The following NUP107 variants were observed in gnomAD, a reference collection of about 807,000 sequenced individuals.
NUP107 encodes nucleoporin 107.
A neutral mutation model predicts 141.0 loss-of-function variants in NUP107; 101 were observed. The observed-to-expected ratio is 0.72, with a 90% confidence interval of 0.61 to 0.84. The LOEUF is 0.84. Ranked by LOEUF, NUP107 falls within the 40% of genes least tolerant of loss-of-function variation. The pLI is 0.00. For synonymous variants in NUP107, 319 were observed against 363.9 expected (o/e 0.88, Z 1.41); for missense variants, 941 against 1,102.7 (o/e 0.85, Z 2.08).
chr12:68,725,848 T>TTG lies in NUP107; in HGVS notation c.1576+53_1576+54insGT. 5 of 1,060,274 alleles carry TTG rather than the reference T, an allele frequency of 4.7e-6. No homozygotes were observed. The South Asian group carries it at 7.1e-5, about 15-fold the overall frequency. The allele number at this position is 1,060,274 out of a possible 1,614,324, so 65.7% of individuals were successfully genotyped here. ...TGTTTTTTGTGTGTGTTTTTTTTTT[T>TTG]TTTTTTGAGACAAAGTCTCACCCTG... On this transcript the variant is annotated intron_variant, in intron 18 of 27. Transcript: ENST00000229179.
At chr12:68,734,657 A>C (rs1236514739) in intron 24 of NUP107, 51 bp from the exon 25 acceptor site, 1 of 1,378,676 alleles carries the variant, frequency 7.3e-7, no homozygotes, top group South Asian at 1.5e-5. Flanking sequence ...AAACGATAAA[A>C]GTGAAAACTT....
intron 8 of NUP107, chr12:68,706,806 T>C (rs1876605170): frequency 1.3e-6 from 1 of 758,128 alleles, no homozygotes; most frequent in Non-Finnish European, 2.4e-6. Flanking sequence ...AGGAAGCTGC[T>C]GGAGGATGAG....
rs1476274307 is a variant in NUP107, at chr12:68,731,150, A to G, written c.1775A>G (p.Tyr592Cys). The change falls in exon 21 of 28, where the codon TAT becomes TGT. Residue 592 changes from tyrosine to cysteine, a missense_variant. Physicochemically the swap from Tyr to Cys is radical, Grantham distance 194 (BLOSUM62 -2). Coordinates refer to ENST00000229179, the MANE Select transcript of NUP107 (RefSeq NM_020401.4). ...REKHTNLIAF[Y>C]TCHLPQDLAV... Reference sequence around the variant, plus strand: ...AAACATACAAATCTTATAGCATTTTATACCTGTCATTTGCCTCAAGACCTA... The same window carrying G: ...AAACATACAAATCTTATAGCATTTTGTACCTGTCATTTGCCTCAAGACCTA... 1.9e-6 allele frequency: 3 copies of G among 1,609,048 alleles called. No homozygotes were observed. The highest frequency in any genetic ancestry group is 2.5e-6 in the Non-Finnish European group (3 of 1,177,444).
intron 6 of NUP107, among the ~76,000 whole-genome samples, chr12:68,697,455 G>T (rs563483059): frequency 4.1e-5 from 5 of 123,422 alleles, no homozygotes; most frequent in African/African-American, 1.5e-4. Flanking sequence ...GGAATATTTA[G>T]AACTCAACAA....
At chr12:68,737,939 C>T (rs1048146819) in intron 26 of NUP107, among the ~76,000 whole-genome samples, 1 of 152,056 alleles carries the variant, frequency 6.6e-6, no homozygotes, top group Middle Eastern at 3.4e-3. Flanking sequence ...GCCAGGAATT[C>T]GAGACCAGCC....
chr12:68,689,900 G>T (rs1421322225), intron 3 of NUP107: 1 of 271,804 alleles, frequency 3.7e-6, no homozygotes, highest in Non-Finnish European at 6.9e-6. Context: ...ATGTAAATAG[G>T]CTGGATGCAG....
intron 8 of NUP107, chr12:68,706,062 C>A (rs985833514): frequency 3.8e-6 from 3 of 793,418 alleles, no homozygotes; most frequent in Admixed American, 1.7e-5. Flanking sequence ...TCGAGAGCTA[C>A]ATCAACAAAC....
chr12:68,716,809 A>C (rs1387343327), intron 12 of NUP107, among the ~76,000 whole-genome samples: 1 of 152,118 alleles, frequency 6.6e-6, no homozygotes, highest in Non-Finnish European at 1.5e-5. Context: ...TACTTTTTGC[A>C]ATGGTCTTTA....
rs1592513915 is a variant in NUP107 at position 68,723,096 on chromosome 12, C to T, written c.1506+944C>T. ...ATACAATAAAAATAAATAAAAAGGC[C>T]AGGTATGGTGGCTCACATCTGTAAT... is the stretch of plus-strand genomic sequence containing the variant. On this transcript the variant is annotated intron_variant, in intron 17 of 27. Transcript: ENST00000229179. Among the ~76,000 whole-genome samples, 4 of 152,108 alleles carry T rather than the reference C, an allele frequency of 2.6e-5. 2 individuals are homozygous for T. Among genetic ancestry groups the T allele is most frequent in the Admixed American group, 2.6e-4 (4 of 15,270 alleles).
rs749688667 is a variant in NUP107 at position 68,719,561 on chromosome 12, C to A, written c.1175-17C>A. 3.1e-6 allele frequency: 5 copies of A among 1,598,852 alleles called. 1 individual carries two copies. Among genetic ancestry groups the A allele is most frequent in the Middle Eastern group, 3.3e-4 (2 of 6,032 alleles). ...GGTCTTATTTTAAACCAGAAATTTT[C>A]TTTTGCTATTTTATAGGAACAGAAT... On this transcript the variant is annotated splice_polypyrimidine_tract_variant and intron_variant, in intron 13 of 27. Transcript: ENST00000229179.
chr12:68,716,236 TC>T lies in NUP107; in HGVS notation c.1083+497del, dbSNP rs1237172715. Among the ~76,000 whole-genome samples the T allele has an allele frequency of 2.3e-3, 296 of 128,532 alleles. 1 individual carries two copies. Among genetic ancestry groups the T allele is most frequent in the Non-Finnish European group, 3.8e-3 (229 of 59,896 alleles). The allele number at this position is 128,532 out of a possible 152,430, so 84.3% of individuals were successfully genotyped here. On this transcript the variant is annotated intron_variant, in intron 12 of 27. Coordinates refer to ENST00000229179, the MANE Select transcript of NUP107 (RefSeq NM_020401.4). ...TTTCCTTTTTCTTTCTTTCTTTCTT[TC>T]TTTCTTTCTTTTTTTTTTTGAGATG...
chr12:68,724,764 G>A (rs916567988), intron 17 of NUP107, among the ~76,000 whole-genome samples: 2 of 152,088 alleles, frequency 1.3e-5, no homozygotes, highest in African/African-American at 4.8e-5. Flanking sequence ...CTGGGCAACA[G>A]AGTGAGACTC....
chr12:68,714,037 G>A (rs1267286683), intron 11 of NUP107: 2 of 446,712 alleles, frequency 4.5e-6, no homozygotes, highest in South Asian at 3.5e-5. Flanking sequence ...TAACTTGACA[G>A]CATTAAAAAC....
At chr12:68,741,693 T>G (rs1014293934) in intron 26 of NUP107, 120 bp from the exon 27 acceptor site, 3 of 787,642 alleles carry the variant, frequency 3.8e-6, no homozygotes, top group African/African-American at 1.7e-5. Flanking sequence ...TCTTCATACT[T>G]TTTTGCTGTT....
chr12:68,737,560 CAAAAAAAAAA>C (rs757208798), intron 26 of NUP107, among the ~76,000 whole-genome samples: 2 of 72,070 alleles, frequency 2.8e-5, no homozygotes, highest in East Asian at 3.9e-4. Flanking sequence ...GACCCTGTCT[CAAAAAAAAAA>C]AAAAAAAAAA....
At chr12:68,689,828 G>A (rs1168738607) in intron 3 of NUP107, 1 of 470,418 alleles carries the variant, frequency 2.1e-6, no homozygotes, top group Non-Finnish European at 3.7e-6. Flanking sequence ...GGGTATTGTT[G>A]GCCCTGTTTT....
intron 12 of NUP107, among the ~76,000 whole-genome samples, chr12:68,718,894 T>TATG (rs1397651824): frequency 1.8e-4 from 24 of 134,694 alleles, no homozygotes; most frequent in South Asian, 2.2e-4. Context: ...ATGTATGTAT[T>TATG]TATTTAGTTT....
At chr12:68,706,100 C>T (rs1876567153) in intron 8 of NUP107, 1 of 771,136 alleles carries the variant, frequency 1.3e-6, no homozygotes, top group South Asian at 1.3e-5. Context: ...CACTCTGGGC[C>T]AAGAGAAGCT....
rs998591830 is a variant in NUP107 at position 68,742,986 on chromosome 12, A to G, written c.*524A>G. On this transcript the variant is annotated 3_prime_UTR_variant, in exon 28 of 28. Transcript: ENST00000229179. ...GCAAACTTCCTATCAAAATAAGAGC[A>G]TATAAAGACTTAGCGTAGTACCTGG... 1 of 152,676 alleles carries G rather than the reference A, an allele frequency of 6.5e-6. No homozygotes were observed. The highest frequency in any genetic ancestry group is 1.5e-5 in the Non-Finnish European group (1 of 68,390). 9.5% of individuals were successfully genotyped at this position (152,676 alleles called of 1,614,324 possible). A position where few individuals can be genotyped will look rare whatever the true frequency, so the allele number is the denominator to read the frequency against.
Sources: allele counts gnomAD v4.1 joint callset (sites outside exome capture counted in the v4.1 genomes callset), GRCh38; gene constraint gnomAD v4.1.1; transcripts MANE v1.5; gene names NCBI Gene and HGNC (gene_info 2026-07-23, HGNC 2026-07-21).